Variants in RCAN2 observed in about 807,000 individuals in gnomAD.
RCAN2 encodes regulator of calcineurin 2, also known as calcipressin-2.
A neutral mutation model predicts 23.6 loss-of-function variants in RCAN2; 9 were observed. The ratio of observed to expected loss-of-function variants is 0.38; its 90% CI spans 0.23 to 0.67. RCAN2 has a LOEUF of 0.67. Ranked by LOEUF, RCAN2 falls within the 30% of genes least tolerant of loss-of-function variation. The probability of loss-of-function intolerance (pLI) is 0.51; values close to 1 mark genes in which losing one functional copy is unlikely to be tolerated. For missense variants in RCAN2, 273 were observed against 302.3 expected (o/e 0.90, Z 0.72); for synonymous variants, 109 against 115.7 (o/e 0.94, Z 0.37).
rs572825999 is a variant in RCAN2 at position 46,417,136 on chromosome 6, C to T, written c.225+39616G>A. Among the ~76,000 whole-genome samples, 6 of 152,236 alleles carry T rather than the reference C, an allele frequency of 3.9e-5. No homozygotes were observed. The South Asian group carries it at 1.2e-3, about 32-fold the overall frequency. Reference sequence around the variant, plus strand: ...ATGCATAGATGGAGAATACATGTGTCATAGATGGAAAATGCTATGTCAAAA... The same window carrying T: ...ATGCATAGATGGAGAATACATGTGTTATAGATGGAAAATGCTATGTCAAAA... On this transcript the variant is annotated intron_variant, in intron 2 of 4. Coordinates refer to ENST00000371374, the MANE Select transcript of RCAN2 (RefSeq NM_001251974.2).
intron 2 of RCAN2, among the ~76,000 whole-genome samples, chr6:46,414,924 T>C (rs746467498): frequency 7.2e-5 from 11 of 152,184 alleles, no homozygotes; most frequent in African/African-American, 1.4e-4. Context: ...ATAAGTGCAC[T>C]GTATGGAGAA....
intron 2 of RCAN2, among the ~76,000 whole-genome samples, chr6:46,271,961 G>GA (rs1561837319): frequency 1.3e-5 from 2 of 152,128 alleles, no homozygotes; most frequent in African/African-American, 4.8e-5. Context: ...TGTAGTAATT[G>GA]GGCCAAGGTA....
At chr6:46,242,475 T>C (rs2150314729) in intron 4 of RCAN2, among the ~76,000 whole-genome samples, 1 of 152,324 alleles carries the variant, frequency 6.6e-6, no homozygotes, top group South Asian at 2.1e-4. Flanking sequence ...ACTGACTTTT[T>C]CCCAGCAGCT....
At chr6:46,347,578 G>GT (rs1328471138) in intron 2 of RCAN2, among the ~76,000 whole-genome samples, 2 of 152,168 alleles carry the variant, frequency 1.3e-5, no homozygotes, top group African/African-American at 4.8e-5. Context: ...TATCTTATAT[G>GT]TATTTTATAA....
chr6:46,467,855 C>A (rs908401991), intron 1 of RCAN2, among the ~76,000 whole-genome samples: 1 of 152,162 alleles, frequency 6.6e-6, no homozygotes, highest in Non-Finnish European at 1.5e-5. Flanking sequence ...TGAAAAAATG[C>A]AAGAACACTG....
chr6:46,483,788 A>C (rs1246339614), intron 1 of RCAN2, among the ~76,000 whole-genome samples: 1 of 152,228 alleles, frequency 6.6e-6, no homozygotes, highest in Non-Finnish European at 1.5e-5. Context: ...TAAAATAAAT[A>C]GTTGCTTGTA....
At chr6:46,490,772 T>C (rs1432491819) in intron 1 of RCAN2, among the ~76,000 whole-genome samples, 3 of 51,870 alleles carry the variant, frequency 5.8e-5, no homozygotes, top group Non-Finnish European at 1.3e-4. Flanking sequence ...AGTTAGTCTC[T>C]TCTAGACCCT....
intron 2 of RCAN2, among the ~76,000 whole-genome samples, chr6:46,303,101 T>C (rs1357223613): frequency 6.6e-6 from 1 of 152,042 alleles, no homozygotes; most frequent in East Asian, 1.9e-4. Flanking sequence ...ACTCACTTTC[T>C]GGGTTCACTG....
chr6:46,316,136 T>C (rs1250087680), intron 2 of RCAN2, among the ~76,000 whole-genome samples: 1 of 152,136 alleles, frequency 6.6e-6, no homozygotes, highest in East Asian at 1.9e-4. Context: ...AAGAGTTTGA[T>C]ATAATGAGAG....
chr6:46,454,549 A>C (rs912986242), intron 2 of RCAN2, among the ~76,000 whole-genome samples: 1 of 152,216 alleles, frequency 6.6e-6, no homozygotes, highest in African/African-American at 2.4e-5. Context: ...AAAGAAAAAA[A>C]AATCTTGCTG....
chr6:46,400,069 C>T (rs1455337688), intron 2 of RCAN2, among the ~76,000 whole-genome samples: 1 of 152,216 alleles, frequency 6.6e-6, no homozygotes, highest in Non-Finnish European at 1.5e-5. Context: ...TTCTTCCAGG[C>T]TCTGGATCCC....
chr6:46,432,466 G>A (rs1485734196), intron 2 of RCAN2, among the ~76,000 whole-genome samples: 1 of 152,044 alleles, frequency 6.6e-6, no homozygotes, highest in Non-Finnish European at 1.5e-5. Flanking sequence ...GCTGGCCTCG[G>A]CTTCCCAAAG....
intron 1 of RCAN2, among the ~76,000 whole-genome samples, chr6:46,469,313 C>T (rs1292706057): frequency 6.6e-6 from 1 of 152,134 alleles, no homozygotes; most frequent in African/African-American, 2.4e-5. Context: ...AAGAGCTGAC[C>T]CAGATTCTAG....
rs6149559 is a variant in RCAN2, at chr6:46,354,897, ATGTGTGTG to A, written c.225+101847_225+101854del. 7.3e-3 allele frequency among the ~76,000 whole-genome samples: 1,054 copies of A among 144,726 alleles called. 16 individuals carry two copies. Among genetic ancestry groups the A allele is most frequent in the Admixed American group, 0.032 (464 of 14,576 alleles). The allele number at this position is 144,726 out of a possible 152,430, so 94.9% of individuals were successfully genotyped here. Reference sequence around the variant, plus strand: ...AGACTTCTCAGGAAAAAGATTATATATGTGTGTGTGTGTGTGTGTGTGTGTGTGTGTGT... The same window carrying A: ...AGACTTCTCAGGAAAAAGATTATATATGTGTGTGTGTGTGTGTGTGTGTGT... On this transcript the variant is annotated intron_variant, in intron 2 of 4. Coordinates refer to ENST00000371374, the MANE Select transcript of RCAN2 (RefSeq NM_001251974.2).
chr6:46,416,975 A>G (rs762710104), intron 2 of RCAN2, among the ~76,000 whole-genome samples: 5 of 152,158 alleles, frequency 3.3e-5, no homozygotes, highest in Non-Finnish European at 5.9e-5. Flanking sequence ...CCATTGCATA[A>G]ATGTGCCATC....
intron 2 of RCAN2, among the ~76,000 whole-genome samples, chr6:46,447,487 C>T (rs1381228759): frequency 6.6e-6 from 1 of 151,794 alleles, no homozygotes; most frequent in East Asian, 1.9e-4. Context: ...GCACATTAGA[C>T]CAAATAAACC....
chr6:46,226,194 T>C (rs903402132), intron 4 of RCAN2, among the ~76,000 whole-genome samples: 1 of 152,224 alleles, frequency 6.6e-6, no homozygotes, highest in African/African-American at 2.4e-5. Flanking sequence ...TGTAGACTTG[T>C]AGTATAGTTT....
intron 1 of RCAN2, among the ~76,000 whole-genome samples, chr6:46,484,116 A>G (rs1768933530): frequency 6.6e-6 from 1 of 152,242 alleles, no homozygotes; most frequent in African/African-American, 2.4e-5. Flanking sequence ...TAAATAATCA[A>G]TTAAATTAAT....
intron 1 of RCAN2, among the ~76,000 whole-genome samples, chr6:46,480,098 A>G (rs1231556627): frequency 6.6e-6 from 1 of 152,130 alleles, no homozygotes. Context: ...GGCCCCACAA[A>G]TGCCTTTACA....
Sources: gnomAD v4.1 joint callset for allele counts (sites outside exome capture counted in the v4.1 genomes callset) on GRCh38, gnomAD v4.1.1 for gene constraint, MANE v1.5 for transcripts, NCBI Gene and HGNC (gene_info 2026-07-23, HGNC 2026-07-21) for gene names.